Variants in TNNI3K observed in about 807,000 individuals in gnomAD.
TNNI3K encodes TNNI3 interacting kinase.
TNNI3K carries 140 observed loss-of-function variants against 114.5 expected under a neutral mutation model. That is an observed-to-expected ratio of 1.22 (90% CI 1.07 to 1.41). The LOEUF (loss-of-function observed/expected upper bound fraction) is 1.41, where lower values mean the gene tolerates loss of function less well. Ranked by LOEUF, TNNI3K falls within the 40% of genes most tolerant of loss-of-function variation. The pLI is 0.00. For missense variants in TNNI3K, 1,125 were observed against 1,007.6 expected (o/e 1.12, Z -1.58); for synonymous variants, 347 against 347.5 (o/e 1.00, Z 0.02).
At chr1:74,416,525 A>G (rs186853176) in intron 17 of TNNI3K, 5 of 985,324 alleles carry the variant, frequency 5.1e-6, no homozygotes, top group South Asian at 4.7e-5. Context: ...GGTGGCTTAC[A>G]TAGTCAAATC....
intron 17 of TNNI3K, among the ~76,000 whole-genome samples, chr1:74,399,080 C>T (rs1484096892): frequency 6.7e-6 from 1 of 148,950 alleles, no homozygotes; most frequent in Non-Finnish European, 1.5e-5. Context: ...CGCTTGAACC[C>T]GGGAGGTGGA....
Position 74,478,729 on chromosome 1 carries a change from C to T in TNNI3K, c.2122-10460C>T, listed in dbSNP as rs911262752. Among the ~76,000 whole-genome samples the T allele has an allele frequency of 2.0e-5, 3 of 152,226 alleles. No homozygotes were observed. In the East Asian group the frequency reaches 5.8e-4, roughly 29 times the overall value. On this transcript the variant is annotated intron_variant, in intron 21 of 24. Transcript: ENST00000326637. ...TAGTACCTTCTAAACCTATGTGAAC[C>T]CCACCATCTATTGCCTATGCGTGCA...
At chr1:74,365,450 G>A (rs1324647488) in intron 11 of TNNI3K, among the ~76,000 whole-genome samples, 2 of 151,898 alleles carry the variant, frequency 1.3e-5, no homozygotes, top group African/African-American at 4.8e-5. Flanking sequence ...TGATCTATTG[G>A]GACAGGGCTT....
intron 17 of TNNI3K, among the ~76,000 whole-genome samples, chr1:74,383,314 T>G (rs1319644668): frequency 6.6e-6 from 1 of 152,132 alleles, no homozygotes; most frequent in African/African-American, 2.4e-5. Flanking sequence ...TTTTTTGTTC[T>G]TATTTTGTTT....
At chr1:74,297,524 T>C (rs1423224162) in intron 5 of TNNI3K, among the ~76,000 whole-genome samples, 2 of 144,996 alleles carry the variant, frequency 1.4e-5, no homozygotes, top group African/African-American at 2.5e-5. Flanking sequence ...TGTGTGTGCG[T>C]GTGTGTGTGT....
chr1:74,387,536 T>C (rs2100561036), intron 17 of TNNI3K, among the ~76,000 whole-genome samples: 1 of 152,342 alleles, frequency 6.6e-6, no homozygotes, highest in South Asian at 2.1e-4. Flanking sequence ...AAGCTGGGCT[T>C]GGCTTGCCCA....
At chr1:74,255,839 C>A (rs1393554671) in intron 4 of TNNI3K, among the ~76,000 whole-genome samples, 1 of 152,204 alleles carries the variant, frequency 6.6e-6, no homozygotes, top group East Asian at 1.9e-4. Flanking sequence ...CTATAGTTTT[C>A]TCTTTTCTAG....
At chr1:74,246,603 G>A (rs370902250) in intron 2 of TNNI3K, among the ~76,000 whole-genome samples, 12 of 152,288 alleles carry the variant, frequency 7.9e-5, no homozygotes, top group African/African-American at 2.9e-4. Flanking sequence ...GTATTGGACT[G>A]GGGGAGGAGA....
At chr1:74,411,710 CAAAT>C (rs1377407137) in intron 17 of TNNI3K, among the ~76,000 whole-genome samples, 1 of 151,954 alleles carries the variant, frequency 6.6e-6, no homozygotes, top group Non-Finnish European at 1.5e-5. Flanking sequence ...AGAATGGAAA[CAAAT>C]AATAATTCAC....
intron 23 of TNNI3K, among the ~76,000 whole-genome samples, chr1:74,522,824 G>A (rs1169153597): frequency 6.6e-6 from 1 of 152,134 alleles, no homozygotes; most frequent in Non-Finnish European, 1.5e-5. Context: ...TGGCTTTATG[G>A]AAACTTTACC....
intron 21 of TNNI3K, chr1:74,480,194 G>C: frequency 1.4e-6 from 1 of 717,462 alleles, no homozygotes; most frequent in South Asian, 1.5e-5. Flanking sequence ...ATCTGGTCCT[G>C]GGAGGAGGGG....
chr1:74,392,376 C>T (rs905103719), intron 17 of TNNI3K, among the ~76,000 whole-genome samples: 5 of 152,138 alleles, frequency 3.3e-5, no homozygotes. Context: ...TCAGTATGAG[C>T]CTGCTGAATT....
intron 5 of TNNI3K, among the ~76,000 whole-genome samples, chr1:74,324,351 A>T (rs1412770641): frequency 1.3e-5 from 2 of 152,248 alleles, no homozygotes; most frequent in Non-Finnish European, 2.9e-5. Context: ...GCAACTCAAC[A>T]AAGCACATGA....
chr1:74,344,428 C>A (rs1660897288), intron 9 of TNNI3K, among the ~76,000 whole-genome samples: 1 of 152,142 alleles, frequency 6.6e-6, no homozygotes, highest in Non-Finnish European at 1.5e-5. Context: ...AATTCTAAAT[C>A]CTGTGCTTTT....
chr1:74,380,234 A>G (rs1428070205), intron 17 of TNNI3K, among the ~76,000 whole-genome samples: 1 of 152,172 alleles, frequency 6.6e-6, no homozygotes, highest in Non-Finnish European at 1.5e-5. Context: ...ATGTATCTGT[A>G]TAACAGCACA....
At chr1:74,533,639 A>C (rs930645247) in intron 23 of TNNI3K, among the ~76,000 whole-genome samples, 13 of 152,032 alleles carry the variant, frequency 8.6e-5, no homozygotes, top group Non-Finnish European at 1.5e-4. Flanking sequence ...ACTATTCACA[A>C]TAGCAAAGAC....
intron 17 of TNNI3K, among the ~76,000 whole-genome samples, chr1:74,385,479 C>T (rs1663425295): frequency 6.6e-6 from 1 of 152,106 alleles, no homozygotes; most frequent in Non-Finnish European, 1.5e-5. Flanking sequence ...TGAATTGGCA[C>T]CTTTCCAATC....
Position 74,492,078 on chromosome 1 carries a change from T to G in TNNI3K, c.2182-19T>G. 1 of 1,492,022 alleles carries G rather than the reference T, an allele frequency of 6.7e-7. No individual in the cohort carries two copies. Among genetic ancestry groups the G allele is most frequent in the Non-Finnish European group, 9.1e-7 (1 of 1,104,942 alleles). The allele number at this position is 1,492,022 out of a possible 1,614,324, so 92.4% of individuals were successfully genotyped here. ...TGTTGGAAGTATTAAACAATTGAAA[T>G]TGCCCCTCCTCCACTCAGCTGATGT... On this transcript the variant is annotated intron_variant, in intron 22 of 24. Transcript: ENST00000326637.
At chr1:74,390,100 G>T (rs967675479) in intron 17 of TNNI3K, among the ~76,000 whole-genome samples, 2 of 152,124 alleles carry the variant, frequency 1.3e-5, no homozygotes, top group Non-Finnish European at 2.9e-5. Context: ...CCAAAACTGG[G>T]AAGAATGAGT....
Sources: allele counts gnomAD v4.1 joint callset (sites outside exome capture counted in the v4.1 genomes callset), GRCh38; gene constraint gnomAD v4.1.1; transcripts MANE v1.5; gene names NCBI Gene and HGNC (gene_info 2026-07-23, HGNC 2026-07-21).